PARVA: variants seen among roughly 807,000 people sequenced by gnomAD.
The protein encoded by PARVA is alpha-parvin.
PARVA carries 25 observed loss-of-function variants against 52.6 expected under a neutral mutation model. The ratio of observed to expected loss-of-function variants is 0.48; its 90% CI spans 0.35 to 0.66. The LOEUF is 0.66. Among genes scored for constraint, PARVA ranks in the 30% least tolerant of loss-of-function variants. The pLI, the probability that PARVA is intolerant of heterozygous loss-of-function variation, is 0.01. For synonymous variants in PARVA, 185 were observed against 179.1 expected, an observed-to-expected ratio of 1.03 and a Z score of -0.26; for missense variants, 373 against 450.9, an observed-to-expected ratio of 0.83 and a Z score of 1.56.
At chr11:12,426,401 G>T (rs1443188833) in intron 1 of PARVA, among the ~76,000 whole-genome samples, 1 of 152,120 alleles carries the variant, frequency 6.6e-6, no homozygotes, top group African/African-American at 2.4e-5. Context: ...AGTAAGGAGG[G>T]GGAGTGGCAT....
chr11:12,494,149 C>T (rs887044398), intron 4 of PARVA, among the ~76,000 whole-genome samples: 4 of 152,220 alleles, frequency 2.6e-5, no homozygotes, highest in African/African-American at 9.6e-5. Context: ...GGGAGAGGCA[C>T]AGAGCTTCCA....
Position 12,517,664 on chromosome 11 carries a change from G to C in PARVA, c.922G>C (p.Val308Leu). 1.9e-6 allele frequency: 3 copies of C among 1,606,150 alleles called. No homozygotes were observed. The highest frequency in any genetic ancestry group is 2.6e-6 in the Non-Finnish European group (3 of 1,176,212). Reference protein sequence around the residue: ...LLMGLLEGYFVPLHSFFLTPD... With the variant: ...LLMGLLEGYFLPLHSFFLTPD... ...CATGGGGCTCCTGGAGGGCTACTTT[G>C]TGCCCCTGCACAGCTTCTTCCTGAC... The change falls in exon 11 of 13, where the codon GTG (valine) becomes CTG (leucine). Residue 308 changes from valine (V) to leucine (L), a missense_variant. Val to Leu is a conservative substitution (Grantham distance 32). Coordinates refer to ENST00000334956, the MANE Select transcript of PARVA (RefSeq NM_018222.5).
chr11:12,453,787 G>A (rs1484178414), intron 1 of PARVA, among the ~76,000 whole-genome samples: 1 of 152,104 alleles, frequency 6.6e-6, no homozygotes. Context: ...TCATTGATTG[G>A]GTTCTGAAAA....
chr11:12,402,959 C>T (rs1277954871), intron 1 of PARVA, among the ~76,000 whole-genome samples: 2 of 152,210 alleles, frequency 1.3e-5, no homozygotes, highest in Non-Finnish European at 1.5e-5. Context: ...GTACTTGGCA[C>T]GGCTGAGAAT....
chr11:12,467,895 C>T (rs755071339), intron 1 of PARVA, among the ~76,000 whole-genome samples: 1 of 152,196 alleles, frequency 6.6e-6, no homozygotes, highest in Non-Finnish European at 1.5e-5. Flanking sequence ...CCCCGCCCTA[C>T]TTATCTGCTA....
chr11:12,414,878 G>C (rs954333113), intron 1 of PARVA, among the ~76,000 whole-genome samples: 1 of 152,160 alleles, frequency 6.6e-6, no homozygotes, highest in Non-Finnish European at 1.5e-5. Flanking sequence ...TAGTGGGCCT[G>C]GTGGAAGTTG....
In PARVA at chr11:12,531,894, C is replaced by T. The variant is rs925468410; in HGVS notation, c.*3969C>T. 6.6e-6 allele frequency among the ~76,000 whole-genome samples: 1 copy of T among 152,088 alleles called. No individual in the cohort carries two copies. The highest frequency in any genetic ancestry group is 2.4e-5 in the African/African-American group (1 of 41,392). ...GACCTGCCTCCACACATCAGCTTCC[C>T]AAATACTTGCAGATTTGGGTCTTAC... On this transcript the variant is annotated 3_prime_UTR_variant, in exon 13 of 13. Transcript: ENST00000334956.
chr11:12,457,230 T>A (rs1213021214), intron 1 of PARVA, among the ~76,000 whole-genome samples: 3 of 152,166 alleles, frequency 2.0e-5, no homozygotes, highest in Admixed American at 6.5e-5. Flanking sequence ...AGTTAAAGCA[T>A]CTTCGATTTA....
Position 12,517,618 on chromosome 11 carries a change from T to TGGG in PARVA, c.878_880dup (p.Gly293dup). ...CCTGGCTCTTCCTCCAGTTTGCAGA[T>TGGG]GGGGTGTACCTGGTGCTGCTCATGG... On this transcript the variant is annotated inframe_insertion, in exon 11 of 13. Transcript: ENST00000334956. 1.3e-6 allele frequency: 2 copies of TGGG among 1,595,626 alleles called. No individual in the cohort carries two copies. Among genetic ancestry groups the TGGG allele is most frequent in the Non-Finnish European group, 1.7e-6 (2 of 1,170,434 alleles).
At chr11:12,412,706 C>G in intron 1 of PARVA, among the ~76,000 whole-genome samples, 1 of 151,928 alleles carries the variant, frequency 6.6e-6, no homozygotes, top group East Asian at 1.9e-4. Context: ...GAGAAAGGGA[C>G]AAAAGATCCT....
chr11:12,518,849 C>A (rs1284008875), intron 12 of PARVA, among the ~76,000 whole-genome samples: 4 of 152,208 alleles, frequency 2.6e-5, no homozygotes, highest in African/African-American at 9.6e-5. Flanking sequence ...GAGCTGTGTC[C>A]CCGCCAGTCG....
chr11:12,497,249 TA>T (rs1200061594), intron 5 of PARVA, among the ~76,000 whole-genome samples: 1 of 152,188 alleles, frequency 6.6e-6, no homozygotes, highest in African/African-American at 2.4e-5. Context: ...CTATCAGAAT[TA>T]ATCAAGGGAT....
chr11:12,431,968 T>G (rs1365060462), intron 1 of PARVA, among the ~76,000 whole-genome samples: 5 of 152,242 alleles, frequency 3.3e-5, no homozygotes. Context: ...TAGTTTACAC[T>G]GGGGTTGCTT....
chr11:12,520,345 T>C (rs1432009641), intron 12 of PARVA, among the ~76,000 whole-genome samples: 1 of 152,254 alleles, frequency 6.6e-6, no homozygotes, highest in Admixed American at 6.5e-5. Context: ...GTTTTTATGC[T>C]TCTACCTGGA....
chr11:12,447,426 G>A (rs1473190007), intron 1 of PARVA, among the ~76,000 whole-genome samples: 1 of 152,176 alleles, frequency 6.6e-6, no homozygotes, highest in Non-Finnish European at 1.5e-5. Flanking sequence ...CTTCAGCAGA[G>A]AGAGAGAGGG....
chr11:12,486,485 A>T (rs1236293945), intron 4 of PARVA, among the ~76,000 whole-genome samples: 1 of 152,102 alleles, frequency 6.6e-6, no homozygotes, highest in Non-Finnish European at 1.5e-5. Flanking sequence ...GTGAGCCGAG[A>T]TCACATCACT....
chr11:12,494,575 T>C (rs1717738061), intron 4 of PARVA, among the ~76,000 whole-genome samples: 1 of 152,002 alleles, frequency 6.6e-6, no homozygotes, highest in African/African-American at 2.4e-5. Flanking sequence ...TTTCAGAAAG[T>C]TACAAGGTTT....
chr11:12,379,445 C>G (rs10741588), intron 1 of PARVA, among the ~76,000 whole-genome samples: 13 of 152,062 alleles, frequency 8.5e-5, no homozygotes, highest in African/African-American at 3.1e-4. Context: ...TGCTAGACCA[C>G]TGGAATTCTA....
At chr11:12,463,114 C>G (rs1400285799) in intron 1 of PARVA, among the ~76,000 whole-genome samples, 6 of 151,840 alleles carry the variant, frequency 4.0e-5, no homozygotes, top group Non-Finnish European at 8.8e-5. Context: ...ATATCCCACG[C>G]CCACTTTTTT....
Sources: allele counts gnomAD v4.1 joint callset (sites outside exome capture counted in the v4.1 genomes callset), GRCh38; gene constraint gnomAD v4.1.1; transcripts MANE v1.5; gene names NCBI Gene and HGNC (gene_info 2026-07-23, HGNC 2026-07-21).